Variants in DNLZ observed in about 807,000 individuals in gnomAD.
DNLZ encodes the protein DNL-type zinc finger.
Under a neutral mutation model 7.8 loss-of-function variants are expected in DNLZ, and 15 were observed. The observed-to-expected ratio is 1.91, with a 90% confidence interval of 1.28 to 2.95. DNLZ has a LOEUF of 2.95. DNLZ is among the 30% of genes most tolerant of loss of function. The pLI is 0.00. For synonymous variants in DNLZ, 123 were observed against 77.8 expected, an observed-to-expected ratio of 1.58 and a Z score of -3.05; for missense variants, 255 against 167.3, an observed-to-expected ratio of 1.52 and a Z score of -2.89.
At chr9:136,363,285 C>T in intron 1 of DNLZ, 157 bp from the exon 2 acceptor site, 2 of 815,186 alleles carry the variant, frequency 2.5e-6, no homozygotes, top group Non-Finnish European at 3.9e-6. Flanking sequence ...CGCCCTCTCC[C>T]GGGAAGGCCC....
chr9:136,363,734 CGCCCTGCCCCG>C, exon 1 of DNLZ: 1 of 454,782 alleles, frequency 2.2e-6, no homozygotes, highest in Non-Finnish European at 3.8e-6. Flanking sequence ...CGGCTCCGTC[CGCCCTGCCCCG>C]GCCCCGCCCC....
rs548961606 is a variant in DNLZ, at chr9:136,362,149, C to T, written c.400G>A (p.Glu134Lys). Residue 134 changes from glutamate to lysine, a missense_variant, in exon 3 of 3, where the codon GAG becomes AAG. Glu to Lys is a moderately conservative substitution (Grantham distance 56). Transcript: ENST00000371738. ...NIEEILTARG[E>K]QVHRVAGEGA... ...TCGCCCGCCACACGGTGCACCTGCTCGCCTCTGGCCGTCAGGATCTCTTCG... is the reference window on the plus strand; with the variant it reads ...TCGCCCGCCACACGGTGCACCTGCTTGCCTCTGGCCGTCAGGATCTCTTCG... 11 of 1,499,940 alleles carry T rather than the reference C, an allele frequency of 7.3e-6. No individual in the cohort carries two copies. The highest frequency in any genetic ancestry group is 4.4e-5 in the African/African-American group (3 of 68,454). 92.9% of individuals were successfully genotyped at this position (1,499,940 alleles called of 1,614,324 possible). A position where few individuals can be genotyped will look rare whatever the true frequency, so the allele number is the denominator to read the frequency against.
rs1165803190 is a variant in DNLZ at position 136,363,709 on chromosome 9, C to T, written c.6G>A (p.Leu2=). The T allele has an allele frequency of 1.7e-5, 8 of 469,470 alleles. No homozygotes were observed. Among genetic ancestry groups the T allele is most frequent in the South Asian group, 1.5e-4 (5 of 32,318 alleles). The allele number at this position is 469,470 out of a possible 1,614,324, so 29.1% of individuals were successfully genotyped here. The change falls in exon 1 of 3, where the codon CTG becomes CTA. Residue 2 remains leucine, a synonymous_variant. Transcript: ENST00000371738. The stretch of plus-strand genomic sequence containing the variant: ...TCGGCGCGCCGCGCAGCGCAGTCCG[C>T]AGCATCCCGCTCGCCGGCTCCGTCC... The part of the protein sequence containing the change: M[L]RTALRGAPRL...
In DNLZ at chr9:136,363,075, G is replaced by A. The variant is rs1399674752; in HGVS notation, c.282C>T (p.Gly94=). The change falls in exon 2 of 3, where the codon GGC becomes GGT. Residue 94 remains glycine, a synonymous_variant. Transcript: ENST00000371738. ...KRISKLAYHQ[G]VVIVTCPGCQ... is the part of the protein sequence containing the mutation. ...AGCCGGGGCAGGTCACAATGACCACGCCTTGGTGATAGGCCAGCTTGGAGA... is the reference window on the plus strand; with the variant it reads ...AGCCGGGGCAGGTCACAATGACCACACCTTGGTGATAGGCCAGCTTGGAGA... 1.9e-6 allele frequency: 3 copies of A among 1,613,698 alleles called. No individual in the cohort carries two copies. Among genetic ancestry groups the A allele is most frequent in the South Asian group, 2.2e-5 (2 of 91,090 alleles).
rs982831276 is a variant in DNLZ at position 136,363,507 on chromosome 9, G to A, written c.208C>T (p.Gln70Ter). The A allele has an allele frequency of 2.6e-6, 2 of 757,288 alleles. No individual in the cohort carries two copies. The highest frequency in any genetic ancestry group is 3.4e-5 in the African/African-American group (2 of 58,542). 46.9% of individuals were successfully genotyped at this position (757,288 alleles called of 1,614,324 possible). A position where few individuals can be genotyped will look rare whatever the true frequency, so the allele number is the denominator to read the frequency against. Residue 70 changes from glutamine (Q) to a stop codon, truncating the protein, a stop_gained, in exon 1 of 3, where the codon CAG (glutamine) becomes TAG (stop). Transcript: ENST00000371738. LOFTEE classifies it high-confidence loss of function. ...CCTACCTTGCAGGTGTAGACGAGCT[G>A]GTAGTGCGCCGCCTCCACGCGCCCC... is the stretch of plus-strand genomic sequence containing the variant. ...ALGRVEAAHY[Q>*]LVYTCKVCGT...
At position 136,360,501 on chromosome 9, in the gene DNLZ, G is replaced by A. The variant is rs1301834029; in HGVS notation, c.*1511C>T. 1 of 152,054 alleles carries A rather than the reference G, an allele frequency of 6.6e-6. No homozygotes were observed. The highest frequency in any genetic ancestry group is 1.5e-5 in the Non-Finnish European group (1 of 68,052). The allele number at this position is 152,054 out of a possible 1,614,324, so 9.4% of individuals were successfully genotyped here. ...GGGGGTGTAGAGTGGCAGGAGATTA[G>A]GATGGCAAAGCCCCTTGCAGAAACC... On this transcript the variant is annotated 3_prime_UTR_variant, in exon 3 of 3. Coordinates refer to ENST00000371738, the MANE Select transcript of DNLZ (RefSeq NM_001080849.3).
rs1832967749 is a variant in DNLZ, at chr9:136,360,775, G to A, written c.*1237C>T. On this transcript the variant is annotated 3_prime_UTR_variant, in exon 3 of 3. Transcript: ENST00000371738. The stretch of plus-strand genomic sequence containing the variant: ...AGCCGCCATCTCCCCATCCGTAAGA[G>A]GAGGGGTTGGCCCAAGCGGCTCTCC... The A allele has an allele frequency of 6.6e-6, 1 of 152,244 alleles. No homozygotes were observed. The highest frequency in any genetic ancestry group is 2.1e-4 in the South Asian group (1 of 4,836). The allele number at this position is 152,244 out of a possible 1,614,324, so 9.4% of individuals were successfully genotyped here.
rs1350632153 is a variant in DNLZ at position 136,361,075 on chromosome 9, G to A, written c.*937C>T. On this transcript the variant is annotated 3_prime_UTR_variant, in exon 3 of 3. Transcript: ENST00000371738. ...TGAAAGAAGGACAGGGGGTAATCGAGGCAAAGCCCACGCCACAAGCACACT... is the reference window on the plus strand; with the variant it reads ...TGAAAGAAGGACAGGGGGTAATCGAAGCAAAGCCCACGCCACAAGCACACT... The A allele has an allele frequency of 1.3e-5, 2 of 152,414 alleles. No individual in the cohort carries two copies. Among genetic ancestry groups the A allele is most frequent in the East Asian group, 3.9e-4 (2 of 5,186 alleles). The allele number at this position is 152,414 out of a possible 1,614,324, so 9.4% of individuals were successfully genotyped here.
At position 136,361,055 on chromosome 9, in the gene DNLZ, G is replaced by T. The variant is rs1189013235; in HGVS notation, c.*957C>A. ...AATAATAGAGGGTTGTTGGCTGAAA[G>T]AAGGACAGGGGGTAATCGAGGCAAA... On this transcript the variant is annotated 3_prime_UTR_variant, in exon 3 of 3. Coordinates refer to ENST00000371738, the MANE Select transcript of DNLZ (RefSeq NM_001080849.3). The T allele has an allele frequency of 6.6e-6, 1 of 151,600 alleles. No homozygotes were observed. Among genetic ancestry groups the T allele is most frequent in the Non-Finnish European group, 1.5e-5 (1 of 68,034 alleles). 9.4% of individuals were successfully genotyped at this position (151,600 alleles called of 1,614,324 possible). A position where few individuals can be genotyped will look rare whatever the true frequency, so the allele number is the denominator to read the frequency against.
chr9:136,363,649 G>A lies in DNLZ; in HGVS notation c.66C>T (p.Cys22=). The change falls in exon 1 of 3, where the codon TGC becomes TGT. Residue 22 remains cysteine, a synonymous_variant. Transcript: ENST00000371738. ...LLSRVQPRAP[C]LRRLWGRGAR... is the part of the protein sequence containing the mutation. ...CCCCGCGGCCCCACAGCCGCCTCAG[G>A]CAGGGCGCCCGGGGCTGCACGCGAC... The A allele has an allele frequency of 2.3e-6, 1 of 427,850 alleles. No individual in the cohort carries two copies. The allele number at this position is 427,850 out of a possible 1,614,324, so 26.5% of individuals were successfully genotyped here. A position where few individuals can be genotyped will look rare whatever the true frequency, so the allele number is the denominator to read the frequency against.
intron 2 of DNLZ, among the ~76,000 whole-genome samples, chr9:136,362,434 C>T (rs929376088): frequency 5.9e-5 from 9 of 152,232 alleles, no homozygotes; most frequent in African/African-American, 1.9e-4. Context: ...GAATCTGCAG[C>T]CCCGGGTCTG....
At position 136,360,892 on chromosome 9, in the gene DNLZ, C is replaced by T. The variant is rs925510947; in HGVS notation, c.*1120G>A. ...CTCTGGAGGCAGTGAGGCAGCCAAG[C>T]CAAGCCCAGCCCCACTGCACTTCCA... is the stretch of plus-strand genomic sequence containing the variant. On this transcript the variant is annotated 3_prime_UTR_variant, in exon 3 of 3. Coordinates refer to ENST00000371738, the MANE Select transcript of DNLZ (RefSeq NM_001080849.3). The T allele has an allele frequency of 2.4e-4, 37 of 152,372 alleles. No individual in the cohort carries two copies. The highest frequency in any genetic ancestry group is 8.4e-4 in the African/African-American group (35 of 41,556). 9.4% of individuals were successfully genotyped at this position (152,372 alleles called of 1,614,324 possible). A position where few individuals can be genotyped will look rare whatever the true frequency, so the allele number is the denominator to read the frequency against.
chr9:136,359,711 G>C lies in DNLZ; in HGVS notation c.*2301C>G, dbSNP rs1486771285. The C allele has an allele frequency of 2.6e-5, 4 of 152,542 alleles. No homozygotes were observed. The highest frequency in any genetic ancestry group is 9.6e-5 in the African/African-American group (4 of 41,562). 9.4% of individuals were successfully genotyped at this position (152,542 alleles called of 1,614,324 possible). ...TCTGGGCCCTCTGAGACCTCAGAGA[G>C]ATGGAGTTCCCACTGCATTTAACCA... On this transcript the variant is annotated 3_prime_UTR_variant, in exon 3 of 3. Transcript: ENST00000371738.
In DNLZ at chr9:136,362,191, G is replaced by C. The variant is rs1832992399; in HGVS notation, c.369-11C>G. On this transcript the variant is annotated splice_polypyrimidine_tract_variant and intron_variant, in intron 2 of 2. Coordinates refer to ENST00000371738, the MANE Select transcript of DNLZ (RefSeq NM_001080849.3). ...ATCTCTTCGATATTTCTGGGGGGCAGGGAGGCAACATGGCTCTTCAGGGCC... is the reference window on the plus strand; with the variant it reads ...ATCTCTTCGATATTTCTGGGGGGCACGGAGGCAACATGGCTCTTCAGGGCC... 1 of 1,477,630 alleles carries C rather than the reference G, an allele frequency of 6.8e-7. No homozygotes were observed. Among genetic ancestry groups the C allele is most frequent in the South Asian group, 1.4e-5 (1 of 72,224 alleles). 91.5% of individuals were successfully genotyped at this position (1,477,630 alleles called of 1,614,324 possible).
chr9:136,362,665 G>A (rs924633988), intron 2 of DNLZ, among the ~76,000 whole-genome samples: 4 of 152,234 alleles, frequency 2.6e-5, no homozygotes, highest in African/African-American at 7.2e-5. Flanking sequence ...GCCACCCCAA[G>A]ATGGCAGAGG....
In DNLZ at chr9:136,360,698, A is replaced by C. The variant is rs1238319254; in HGVS notation, c.*1314T>G. 1 of 152,168 alleles carries C rather than the reference A, an allele frequency of 6.6e-6. No individual in the cohort carries two copies. Among genetic ancestry groups the C allele is most frequent in the Non-Finnish European group, 1.5e-5 (1 of 68,040 alleles). 9.4% of individuals were successfully genotyped at this position (152,168 alleles called of 1,614,324 possible). ...CCCTCCAGGGCCAGCCTGGGCCCAGAGGTGCTGGCATCAGACAGAAAAGAC... is the reference window on the plus strand; with the variant it reads ...CCCTCCAGGGCCAGCCTGGGCCCAGCGGTGCTGGCATCAGACAGAAAAGAC... On this transcript the variant is annotated 3_prime_UTR_variant, in exon 3 of 3. Coordinates refer to ENST00000371738, the MANE Select transcript of DNLZ (RefSeq NM_001080849.3).
At chr9:136,362,231 C>G in intron 2 of DNLZ, 51 bp from the exon 3 acceptor site, 1 of 1,416,038 alleles carries the variant, frequency 7.1e-7, no homozygotes. Flanking sequence ...AGCCGCCCTG[C>G]ACTTCAGTCC....
At chr9:136,362,888 A>G in intron 2 of DNLZ, 101 bp downstream of exon 2, 3 of 1,072,464 alleles carry the variant, frequency 2.8e-6, no homozygotes, top group Non-Finnish European at 4.2e-6. Context: ...TGGATTTCCC[A>G]GGTGAGATCT....
At position 136,363,576 on chromosome 9, in the gene DNLZ, GCCAGCC is replaced by G. The variant is rs1176947117; in HGVS notation, c.133_138del (p.Gly45_Trp46del). 19 of 659,234 alleles carry G rather than the reference GCCAGCC, an allele frequency of 2.9e-5. No homozygotes were observed. Among genetic ancestry groups the G allele is most frequent in the Non-Finnish European group, 4.4e-5 (16 of 366,812 alleles). 40.8% of individuals were successfully genotyped at this position (659,234 alleles called of 1,614,324 possible). A position where few individuals can be genotyped will look rare whatever the true frequency, so the allele number is the denominator to read the frequency against. On this transcript the variant is annotated inframe_deletion, in exon 1 of 3. Transcript: ENST00000371738. ...GGCCCCTGCTCGGAGCTTGAGCGCCGCCAGCCCCAGGCCCAGGCCCGCCGCCTCCCC... is the reference window on the plus strand; with the variant it reads ...GGCCCCTGCTCGGAGCTTGAGCGCCGCCAGGCCCAGGCCCGCCGCCTCCCC...
Sources: gnomAD v4.1 joint callset for allele counts (sites outside exome capture counted in the v4.1 genomes callset) on GRCh38, gnomAD v4.1.1 for gene constraint, MANE v1.5 for transcripts, NCBI Gene and HGNC (gene_info 2026-07-23, HGNC 2026-07-21) for gene names.